Variants in CLVS1 observed in about 807,000 individuals in gnomAD.
CLVS1 encodes the protein clavesin 1.
CLVS1 carries 10 observed loss-of-function variants against 33.1 expected under a neutral mutation model. That is an observed-to-expected ratio of 0.30 (90% CI 0.19 to 0.51). The LOEUF (loss-of-function observed/expected upper bound fraction) is 0.51, where lower values mean the gene tolerates loss of function less well. CLVS1 is among the 20% of genes least tolerant of loss of function. The probability of loss-of-function intolerance (pLI) is 0.97; values close to 1 mark genes in which losing one functional copy is unlikely to be tolerated. For synonymous variants in CLVS1, 163 were observed against 166.1 expected, an observed-to-expected ratio of 0.98 and a Z score of 0.14; for missense variants, 343 against 433.4, an observed-to-expected ratio of 0.79 and a Z score of 1.85.
At chr8:61,488,253 C>G (rs1056631200) in intron 5 of CLVS1, among the ~76,000 whole-genome samples, 10 of 152,180 alleles carry the variant, frequency 6.6e-5, no homozygotes, top group African/African-American at 2.4e-4. Flanking sequence ...TAAACCTATA[C>G]GCATAGAATT....
intron 1 of CLVS1, among the ~76,000 whole-genome samples, chr8:61,119,414 T>A (rs1291076666): frequency 2.0e-5 from 3 of 150,420 alleles, no homozygotes; most frequent in Non-Finnish European, 3.0e-5. Flanking sequence ...ATCCTGTCAT[T>A]ATGATGTTAG....
intron 3 of CLVS1, among the ~76,000 whole-genome samples, chr8:61,448,047 T>C (rs1428127754): frequency 6.6e-6 from 1 of 152,126 alleles, no homozygotes; most frequent in African/African-American, 2.4e-5. Flanking sequence ...AGTTCCTTTT[T>C]TTCAGTACCT....
At chr8:61,215,285 A>G (rs889707606) in intron 2 of CLVS1, among the ~76,000 whole-genome samples, 1 of 152,204 alleles carries the variant, frequency 6.6e-6, no homozygotes, top group Admixed American at 6.5e-5. Context: ...AATGGGCTAT[A>G]TAAAAGTATA....
chr8:61,004,916 T>A, the CLVS1 span, among the ~76,000 whole-genome samples: 1 of 151,982 alleles, frequency 6.6e-6, no homozygotes, highest in Non-Finnish European at 1.5e-5. Context: ...TCGGGAAAGG[T>A]GTTTTTTGTT....
chr8:61,131,125 C>G (rs760529262), intron 1 of CLVS1, among the ~76,000 whole-genome samples: 2 of 152,204 alleles, frequency 1.3e-5, no homozygotes, highest in Non-Finnish European at 2.9e-5. Flanking sequence ...ATGTGAGCCT[C>G]TTACCAGCCA....
At chr8:61,155,246 T>A (rs116124864) in intron 2 of CLVS1, among the ~76,000 whole-genome samples, 2,506 of 152,332 alleles carry the variant, frequency 0.016, 28 homozygotes, top group African/African-American at 0.024. Flanking sequence ...ACCTCTACAT[T>A]GTCTTGATTA....
chr8:61,130,596 G>C (rs1490446960), intron 1 of CLVS1, among the ~76,000 whole-genome samples: 3 of 152,208 alleles, frequency 2.0e-5, no homozygotes, highest in Non-Finnish European at 2.9e-5. Context: ...AATAACATTT[G>C]TTTTGCTTTG....
chr8:61,147,352 G>A (rs1585643355), intron 2 of CLVS1, among the ~76,000 whole-genome samples: 1 of 152,170 alleles, frequency 6.6e-6, no homozygotes, highest in Admixed American at 6.5e-5. Context: ...TGGAAGTTAG[G>A]AGAGGTGGAT....
At chr8:61,178,781 A>G (rs1024448971) in intron 2 of CLVS1, among the ~76,000 whole-genome samples, 1 of 152,214 alleles carries the variant, frequency 6.6e-6, no homozygotes, top group Admixed American at 6.5e-5. Flanking sequence ...AATCCTTTCC[A>G]GACAAGCAAA....
intron 2 of CLVS1, among the ~76,000 whole-genome samples, chr8:61,317,532 G>T (rs1371044480): frequency 6.6e-6 from 1 of 152,038 alleles, no homozygotes; most frequent in Non-Finnish European, 1.5e-5. Context: ...AGGGCTCTTG[G>T]TCCATGCAGT....
intron 2 of CLVS1, among the ~76,000 whole-genome samples, chr8:61,258,630 A>G (rs1198338992): frequency 6.6e-6 from 1 of 152,176 alleles, no homozygotes; most frequent in Non-Finnish European, 1.5e-5. Context: ...CAGGTTATTT[A>G]TTGCTCTCTT....
intron 3 of CLVS1, among the ~76,000 whole-genome samples, chr8:61,436,404 C>A (rs912560029): frequency 1.3e-5 from 2 of 152,162 alleles, no homozygotes; most frequent in African/African-American, 2.4e-5. Flanking sequence ...GGCTTTTGCT[C>A]CAACTACATC....
At chr8:61,136,829 G>A (rs1264940305) in intron 2 of CLVS1, among the ~76,000 whole-genome samples, 2 of 152,134 alleles carry the variant, frequency 1.3e-5, no homozygotes, top group Admixed American at 6.5e-5. Context: ...CATGTAGCCC[G>A]GAAGTTAAAA....
intron 2 of CLVS1, among the ~76,000 whole-genome samples, chr8:61,232,077 C>T (rs1407505962): frequency 9.4e-6 from 1 of 106,880 alleles, no homozygotes; most frequent in East Asian, 2.9e-4. Context: ...CTCTGTTGCC[C>T]AGGCTGGAAT....
intron 2 of CLVS1, among the ~76,000 whole-genome samples, chr8:61,242,245 A>T (rs2919323): frequency 0.25 from 38,505 of 151,870 alleles, 6,079 homozygotes; most frequent in Non-Finnish European, 0.33. Flanking sequence ...TTCTGGCCCC[A>T]TTCTTTCTCT....
At chr8:60,999,888 C>T in the CLVS1 span, among the ~76,000 whole-genome samples, 4 of 152,222 alleles carry the variant, frequency 2.6e-5, no homozygotes, top group Non-Finnish European at 5.9e-5. Flanking sequence ...AGGGGAGAAA[C>T]GACTGGGTGA....
At chr8:61,386,307 T>C (rs1224900556) in intron 3 of CLVS1, among the ~76,000 whole-genome samples, 3 of 152,214 alleles carry the variant, frequency 2.0e-5, no homozygotes, top group Admixed American at 6.5e-5. Flanking sequence ...AGGACCACGC[T>C]TGATAAACCC....
chr8:61,066,500 G>T (rs1804682221), intron 1 of CLVS1, among the ~76,000 whole-genome samples: 1 of 151,818 alleles, frequency 6.6e-6, no homozygotes, highest in Admixed American at 6.6e-5. Flanking sequence ...CCTGTCTCAA[G>T]AAAAAAAGAA....
At chr8:61,165,571 G>T (rs561285910) in intron 2 of CLVS1, among the ~76,000 whole-genome samples, 1 of 152,338 alleles carries the variant, frequency 6.6e-6, no homozygotes, top group Non-Finnish European at 1.5e-5. Context: ...AAAGGTGGAT[G>T]CGGTCACCTT....
Sources: gnomAD v4.1 joint callset for allele counts (sites outside exome capture counted in the v4.1 genomes callset) on GRCh38, gnomAD v4.1.1 for gene constraint, MANE v1.5 for transcripts, NCBI Gene and HGNC (gene_info 2026-07-23, HGNC 2026-07-21) for gene names.